The following CLIP1 variants were observed in gnomAD, a reference collection of about 807,000 sequenced individuals.
CLIP1 encodes the protein CAP-Gly domain-containing linker protein 1.
Under a neutral mutation model 161.6 loss-of-function variants are expected in CLIP1, and 66 were observed. That is an observed-to-expected ratio of 0.41 (90% confidence interval 0.33 to 0.50). CLIP1 has a LOEUF of 0.50. Ranked by LOEUF, CLIP1 falls within the 20% of genes least tolerant of loss-of-function variation. The probability of loss-of-function intolerance (pLI) is 0.27; values close to 1 mark genes in which losing one functional copy is unlikely to be tolerated. For synonymous variants in CLIP1, 598 were observed against 626.2 expected (o/e 0.96, Z 0.67); for missense variants, 1,376 against 1,702.0 (o/e 0.81, Z 3.37).
chr12:122,303,764 G>C (rs987031917), intron 20 of CLIP1, among the ~76,000 whole-genome samples: 4 of 152,198 alleles, frequency 2.6e-5, no homozygotes, highest in African/African-American at 4.8e-5. Flanking sequence ...AGGTGGTTAT[G>C]TGATACGATC....
intron 1 of CLIP1, among the ~76,000 whole-genome samples, chr12:122,386,823 C>CAAAAA (rs10538864): frequency 1.6e-5 from 2 of 124,128 alleles, no homozygotes. Flanking sequence ...CAATATGTCT[C>CAAAAA]AAAAAAAAAA....
intron 1 of CLIP1, among the ~76,000 whole-genome samples, chr12:122,411,999 T>C (rs1424506470): frequency 3.3e-5 from 5 of 152,074 alleles, no homozygotes; most frequent in African/African-American, 9.6e-5. Flanking sequence ...AAAGCTGTTA[T>C]TTTTTAAAAA....
rs1254977742 is a variant in CLIP1, at chr12:122,302,281, T to C, written c.3594+7481A>G. 5.9e-5 allele frequency among the ~76,000 whole-genome samples: 9 copies of C among 152,044 alleles called. No homozygotes were observed. The East Asian group carries it at 9.8e-4, about 16-fold the overall frequency. ...ATGCCTGGCTATTTTTTTTCTTTTT[T>C]AGTAGAGATGGAGTTTCTCCATGTT... is the stretch of plus-strand genomic sequence containing the variant. On this transcript the variant is annotated intron_variant, in intron 20 of 25. Transcript: ENST00000620786.
At chr12:122,383,871 T>C (rs1409781529) in intron 1 of CLIP1, among the ~76,000 whole-genome samples, 1 of 152,108 alleles carries the variant, frequency 6.6e-6, no homozygotes, top group African/African-American at 2.4e-5. Flanking sequence ...GTTGCCTCAC[T>C]AATAAGCTGA....
chr12:122,340,851 C>A lies in CLIP1; in HGVS notation c.2353G>T (p.Glu785Ter), dbSNP rs61954403. 2.5e-6 allele frequency: 4 copies of A among 1,614,142 alleles called. No individual in the cohort carries two copies. Among genetic ancestry groups the A allele is most frequent in the Non-Finnish European group, 2.5e-6 (3 of 1,180,028 alleles). The change falls in exon 11 of 26, where the codon GAA (glutamate) becomes TAA (stop). Residue 785 changes from glutamate (E) to a stop codon, truncating the protein, a stop_gained. Coordinates refer to ENST00000620786, the MANE Select transcript of CLIP1 (RefSeq NM_001247997.2). LOFTEE classifies it high-confidence loss of function. ...AGTTTCTTCATTTCCGATTTACCTTCGGAACTGGCTTTCCGAAGTGCATCA... is the reference window on the plus strand; with the variant it reads ...AGTTTCTTCATTTCCGATTTACCTTAGGAACTGGCTTTCCGAAGTGCATCA... ...DLDALRKASS[E>*]GKSEMKKLRQ...
chr12:122,334,500 G>A (rs1593094344), intron 13 of CLIP1, 148 bp downstream of exon 13: 1 of 609,000 alleles, frequency 1.6e-6, no homozygotes, highest in South Asian at 2.3e-5. Flanking sequence ...GAAACCAATG[G>A]AAGCCAGTCT....
At chr12:122,379,044 G>A (rs1954877779) in intron 2 of CLIP1, among the ~76,000 whole-genome samples, 1 of 151,922 alleles carries the variant, frequency 6.6e-6, no homozygotes, top group Admixed American at 6.6e-5. Context: ...AGAATCGCTT[G>A]CACCTGGGAG....
At chr12:122,284,407 C>A (rs554055811) in intron 21 of CLIP1, among the ~76,000 whole-genome samples, 35 of 151,600 alleles carry the variant, frequency 2.3e-4, no homozygotes, top group Non-Finnish European at 4.7e-4. Context: ...GGCTGGAGTG[C>A]AATGGCGCGA....
intron 1 of CLIP1, among the ~76,000 whole-genome samples, chr12:122,390,197 A>ATAT (rs1555280492): frequency 3.3e-4 from 30 of 90,570 alleles, no homozygotes; most frequent in East Asian, 1.7e-3. Context: ...ATATATATAT[A>ATAT]ATATATATAT....
intron 1 of CLIP1, among the ~76,000 whole-genome samples, chr12:122,408,467 G>A (rs1956411094): frequency 6.6e-6 from 1 of 151,896 alleles, no homozygotes; most frequent in East Asian, 1.9e-4. Flanking sequence ...TTCTGCCTCA[G>A]CCTCCCGAGT....
intron 3 of CLIP1, among the ~76,000 whole-genome samples, chr12:122,366,297 ACT>A (rs1476127880): frequency 6.2e-5 from 8 of 128,346 alleles, no homozygotes; most frequent in African/African-American, 9.2e-5. Context: ...ACAGGGAGAG[ACT>A]CTGTCTCAAA....
In CLIP1 at chr12:122,341,543, G is replaced by A; in HGVS notation, c.1661C>T (p.Ser554Phe). 6.2e-7 allele frequency: 1 copy of A among 1,614,018 alleles called. No homozygotes were observed. The highest frequency in any genetic ancestry group is 1.1e-5 in the South Asian group (1 of 91,080). ...MSLSLLQEIS[S>F]LQEKLEVTRT... is the part of the protein sequence containing the mutation. ...GGTGACTTCTAACTTTTCTTGCAAA[G>A]AGCTTATCTCTTGCAAAAGGGAAAG... is the stretch of plus-strand genomic sequence containing the variant. The change falls in exon 11 of 26, where the codon TCT becomes TTT. Residue 554 changes from serine to phenylalanine, a missense_variant. Around this residue, in one of 6 missense-constraint regions of CLIP1, gnomAD observed 948 missense variants for 1,134.8 expected, o/e 0.84. Coordinates refer to ENST00000620786, the MANE Select transcript of CLIP1 (RefSeq NM_001247997.2).
chr12:122,410,520 G>T (rs546081998), intron 1 of CLIP1, among the ~76,000 whole-genome samples: 6 of 147,218 alleles, frequency 4.1e-5, no homozygotes, highest in South Asian at 2.1e-4. Flanking sequence ...GTGCAGTGGC[G>T]CAATCTCGGC....
At chr12:122,319,572 T>C (rs1266559606) in intron 17 of CLIP1, among the ~76,000 whole-genome samples, 1 of 152,272 alleles carries the variant, frequency 6.6e-6, no homozygotes, top group Non-Finnish European at 1.5e-5. Flanking sequence ...CATTTTTCAA[T>C]GTCAATTGTT....
At chr12:122,288,598 T>C in intron 20 of CLIP1, 57 bp from the exon 21 acceptor site, 1 of 1,479,504 alleles carries the variant, frequency 6.8e-7, no homozygotes, top group South Asian at 1.1e-5. Flanking sequence ...AAGGCATATT[T>C]CTCATCCCAC....
chr12:122,328,430 GAA>G lies in CLIP1; in HGVS notation c.2868-6_2868-5del, dbSNP rs1424940522. The G allele has an allele frequency of 1.9e-6, 3 of 1,553,812 alleles. No individual in the cohort carries two copies. The highest frequency in any genetic ancestry group is 4.0e-5 in the Admixed American group (2 of 49,970). ...TAGCTGTAATTCTTCTACATCTCTA[GAA>G]AAAGTTTCAATATAAGGTGTCAGAT... On this transcript the variant is annotated splice_region_variant and splice_polypyrimidine_tract_variant and intron_variant, in intron 15 of 25. Coordinates refer to ENST00000620786, the MANE Select transcript of CLIP1 (RefSeq NM_001247997.2).
chr12:122,396,759 T>G (rs1198190276), intron 1 of CLIP1: 1 of 151,340 alleles, frequency 6.6e-6, no homozygotes, highest in Non-Finnish European at 1.5e-5. Flanking sequence ...CAAGACTTTT[T>G]TGTTGTTGTT....
chr12:122,292,393 G>A (rs1016814062), intron 20 of CLIP1, among the ~76,000 whole-genome samples: 2 of 152,006 alleles, frequency 1.3e-5, no homozygotes, highest in Admixed American at 6.6e-5. Flanking sequence ...TTTGATGCTC[G>A]AATTATCTCA....
intron 3 of CLIP1, among the ~76,000 whole-genome samples, chr12:122,367,756 T>C (rs866803391): frequency 1.3e-5 from 2 of 152,206 alleles, no homozygotes; most frequent in Non-Finnish European, 2.9e-5. Flanking sequence ...CAGTGGCTCA[T>C]GCCTGTAATC....
Sources: allele counts gnomAD v4.1 joint callset (sites outside exome capture counted in the v4.1 genomes callset), GRCh38; gene constraint gnomAD v4.1.1; regional missense constraint gnomAD v4.1.1; transcripts MANE v1.5; gene names NCBI Gene and HGNC (gene_info 2026-07-23, HGNC 2026-07-21).